Variants in NPAS3 observed in about 807,000 individuals in gnomAD.
The protein encoded by NPAS3 is neuronal PAS domain-containing protein 3.
A neutral mutation model predicts 73.1 loss-of-function variants in NPAS3; 14 were observed. That is an observed-to-expected ratio of 0.19 (90% CI 0.13 to 0.30). NPAS3 has a LOEUF of 0.30. NPAS3 is among the 10% of genes least tolerant of loss of function. NPAS3 has a pLI of 1.00. For missense variants in NPAS3, 1,096 were observed against 1,250.0 expected, an observed-to-expected ratio of 0.88 and a Z score of 1.86; for synonymous variants, 620 against 541.5, an observed-to-expected ratio of 1.14 and a Z score of -2.01.
rs1033693255 is a variant in NPAS3 at position 32,969,245 on chromosome 14, A to G, written c.50+29879A>G. Among the ~76,000 whole-genome samples, 8 of 152,118 alleles carry G rather than the reference A, an allele frequency of 5.3e-5. No homozygotes were observed. The East Asian group carries it at 1.5e-3, about 29-fold the overall frequency. ...TACAGTGGTGAGAGAGAGAAAACCC[A>G]AACCAGAAGCTGTAGTCTCTTAGAA... On this transcript the variant is annotated intron_variant, in intron 1 of 11. Coordinates refer to ENST00000356141, the Ensembl canonical transcript of NPAS3.
intron 6 of NPAS3, among the ~76,000 whole-genome samples, chr14:33,686,683 T>C (rs1566424786): frequency 1.3e-5 from 2 of 152,172 alleles, no homozygotes; most frequent in African/African-American, 2.4e-5. Context: ...ATACAGATAG[T>C]AGGTAGACGG....
At chr14:33,012,360 C>G (rs1415787699) in intron 1 of NPAS3, among the ~76,000 whole-genome samples, 1 of 152,238 alleles carries the variant, frequency 6.6e-6, no homozygotes, top group Middle Eastern at 3.4e-3. Context: ...CTGATTATTG[C>G]AATGAAGGCA....
intron 2 of NPAS3, among the ~76,000 whole-genome samples, chr14:33,119,776 T>C (rs2043175749): frequency 6.6e-6 from 1 of 152,104 alleles, no homozygotes; most frequent in Non-Finnish European, 1.5e-5. Context: ...GCATTACATT[T>C]CTGGTAGGTG....
intron 3 of NPAS3, among the ~76,000 whole-genome samples, chr14:33,229,129 A>G (rs75870939): frequency 0.016 from 2,386 of 152,268 alleles, 62 homozygotes; most frequent in African/African-American, 0.053. Context: ...AGGATACCCA[A>G]TGCCATGTAG....
intron 2 of NPAS3, among the ~76,000 whole-genome samples, chr14:33,084,524 T>G (rs1422456150): frequency 1.3e-5 from 2 of 152,148 alleles, no homozygotes; most frequent in Non-Finnish European, 2.9e-5. Context: ...CCTAAAATAA[T>G]TTTCCCACAA....
intron 2 of NPAS3, among the ~76,000 whole-genome samples, chr14:33,132,483 G>T (rs1009805235): frequency 2.6e-5 from 4 of 152,094 alleles, no homozygotes; most frequent in African/African-American, 4.8e-5. Context: ...CTACAAGTTT[G>T]GTCTTGAGCT....
At chr14:33,048,991 CAA>C (rs1243118203) in intron 1 of NPAS3, among the ~76,000 whole-genome samples, 10 of 152,138 alleles carry the variant, frequency 6.6e-5, no homozygotes, top group Admixed American at 6.5e-4. Context: ...ACAGGACCTA[CAA>C]AATGTAGATC....
chr14:32,995,426 G>C (rs2038527492), intron 1 of NPAS3, among the ~76,000 whole-genome samples: 1 of 152,176 alleles, frequency 6.6e-6, no homozygotes, highest in African/African-American at 2.4e-5. Context: ...CTTTCTTCCA[G>C]ATAACCAGAA....
intron 2 of NPAS3, among the ~76,000 whole-genome samples, chr14:33,112,672 T>G (rs2042935064): frequency 6.6e-6 from 1 of 152,216 alleles, no homozygotes; most frequent in Non-Finnish European, 1.5e-5. Context: ...TTAGTTTAAT[T>G]AGATCCCATT....
chr14:33,786,662 A>T (rs892734795), intron 9 of NPAS3, among the ~76,000 whole-genome samples: 8 of 152,242 alleles, frequency 5.3e-5, no homozygotes, highest in African/African-American at 1.9e-4. Context: ...TTGTAAACTT[A>T]TTAGTGAAAA....
At chr14:33,327,388 C>T (rs1490748503) in intron 3 of NPAS3, among the ~76,000 whole-genome samples, 2 of 152,166 alleles carry the variant, frequency 1.3e-5, no homozygotes, top group African/African-American at 2.4e-5. Context: ...AGCCTCAGAG[C>T]TTGTATTACT....
downstream of NPAS3, chr14:33,801,310 G>T: frequency 9.0e-7 from 1 of 1,116,736 alleles, no homozygotes; most frequent in Non-Finnish European, 1.2e-6. Context: ...GCCTTCAGAG[G>T]GTCAGACGAC....
chr14:33,736,321 A>G (rs1023917076), intron 7 of NPAS3, among the ~76,000 whole-genome samples: 8 of 152,192 alleles, frequency 5.3e-5, no homozygotes, highest in African/African-American at 1.9e-4. Flanking sequence ...TTTCTTTGAT[A>G]TTAATTCTTC....
intron 4 of NPAS3, among the ~76,000 whole-genome samples, chr14:33,414,499 A>G (rs1001244577): frequency 6.6e-6 from 1 of 152,270 alleles, no homozygotes; most frequent in Admixed American, 6.5e-5. Flanking sequence ...TTTAATTCCT[A>G]TACCAAGCAT....
chr14:33,399,147 G>C (rs922533809), intron 4 of NPAS3, among the ~76,000 whole-genome samples: 2 of 152,088 alleles, frequency 1.3e-5, no homozygotes, highest in African/African-American at 4.8e-5. Flanking sequence ...GGGTAATATA[G>C]CTGGGTTGCT....
intron 7 of NPAS3, among the ~76,000 whole-genome samples, chr14:33,757,353 T>C (rs1245561420): frequency 6.6e-6 from 1 of 152,158 alleles, no homozygotes; most frequent in East Asian, 1.9e-4. Context: ...AAGACAGGGA[T>C]GAAGAGGATG....
At chr14:33,731,656 AG>A (rs958260131) in intron 6 of NPAS3, among the ~76,000 whole-genome samples, 13 of 152,156 alleles carry the variant, frequency 8.5e-5, no homozygotes, top group African/African-American at 2.9e-4. Flanking sequence ...ACCACCAGCT[AG>A]GGAATCATGA....
chr14:33,247,327 C>A (rs1263913201), intron 3 of NPAS3, among the ~76,000 whole-genome samples: 1 of 152,136 alleles, frequency 6.6e-6, no homozygotes, highest in African/African-American at 2.4e-5. Context: ...CCTTTCAGTA[C>A]CTCAAATAGC....
At chr14:33,152,070 T>C (rs758227919) in intron 2 of NPAS3, among the ~76,000 whole-genome samples, 49 of 152,138 alleles carry the variant, frequency 3.2e-4, no homozygotes, top group Middle Eastern at 6.8e-3. Flanking sequence ...CTGGAGACAT[T>C]TGTGGTTGTC....
Sources: allele counts gnomAD v4.1 joint callset (sites outside exome capture counted in the v4.1 genomes callset), GRCh38; gene constraint gnomAD v4.1.1; transcripts MANE v1.5; gene names NCBI Gene and HGNC (gene_info 2026-07-23, HGNC 2026-07-21).